HSF2BP: variants seen among roughly 807,000 people sequenced by gnomAD.
HSF2BP encodes the protein heat shock transcription factor 2 binding protein.
HSF2BP carries 35 observed loss-of-function variants against 35.0 expected under a neutral mutation model. The ratio of observed to expected loss-of-function variants is 1.00; its 90% CI spans 0.76 to 1.32. The LOEUF (loss-of-function observed/expected upper bound fraction) is 1.32. Among genes scored for constraint, HSF2BP ranks in the 40% most tolerant of loss-of-function variants. HSF2BP has a pLI of 0.00. For synonymous variants in HSF2BP, 114 were observed against 117.4 expected (o/e 0.97, Z 0.18); for missense variants, 326 against 321.7 (o/e 1.01, Z -0.10).
At chr21:43,576,018 T>G (rs2081639407) in intron 8 of HSF2BP, among the ~76,000 whole-genome samples, 1 of 150,894 alleles carries the variant, frequency 6.6e-6, no homozygotes, top group Non-Finnish European at 1.5e-5. Context: ...CTCAGGAGGC[T>G]GAGGCAGGAG....
chr21:43,467,901 ACACGCAC>A, the HSF2BP span, among the ~76,000 whole-genome samples: 1 of 110,222 alleles, frequency 9.1e-6, no homozygotes, highest in Non-Finnish European at 1.9e-5. Flanking sequence ...CACACCACAC[ACACGCAC>A]CACACACCAC....
chr21:43,658,896 A>C (rs866237658), intron 1 of HSF2BP, among the ~76,000 whole-genome samples: 1 of 152,136 alleles, frequency 6.6e-6, no homozygotes, highest in Admixed American at 6.5e-5. Context: ...CTTTCCTTCC[A>C]GTCTCAACTC....
chr21:43,654,529 T>C (rs1023115161), intron 3 of HSF2BP, among the ~76,000 whole-genome samples: 1 of 152,136 alleles, frequency 6.6e-6, no homozygotes, highest in Non-Finnish European at 1.5e-5. Flanking sequence ...ATCCTCTTTT[T>C]TGTTGACATG....
At chr21:43,628,728 A>G (rs1441797596) in intron 6 of HSF2BP, among the ~76,000 whole-genome samples, 5 of 152,254 alleles carry the variant, frequency 3.3e-5, no homozygotes, top group African/African-American at 1.2e-4. Context: ...ACCGCTAGAG[A>G]AAAGTCAATG....
intron 3 of HSF2BP, among the ~76,000 whole-genome samples, chr21:43,645,274 C>T (rs1270059461): frequency 6.6e-6 from 1 of 152,150 alleles, no homozygotes; most frequent in South Asian, 2.1e-4. Flanking sequence ...CTTGATAATA[C>T]AGAGTCGGCT....
intron 7 of HSF2BP, among the ~76,000 whole-genome samples, chr21:43,604,647 C>A (rs911159170): frequency 3.5e-5 from 5 of 141,572 alleles, no homozygotes; most frequent in African/African-American, 1.4e-4. Context: ...GCACACACAC[C>A]ACACACACAC....
At chr21:43,582,456 G>A (rs1411105677) in intron 8 of HSF2BP, among the ~76,000 whole-genome samples, 2 of 146,932 alleles carry the variant, frequency 1.4e-5, no homozygotes, top group Admixed American at 1.3e-4. Flanking sequence ...TGAGGGAGAT[G>A]AGGGCCGGCT....
At chr21:43,580,072 C>T (rs913034305) in intron 8 of HSF2BP, among the ~76,000 whole-genome samples, 3 of 152,050 alleles carry the variant, frequency 2.0e-5, no homozygotes, top group African/African-American at 7.2e-5. Flanking sequence ...TCAGGCCTCT[C>T]GGCCAGCCTC....
At chr21:43,615,862 A>C (rs1374243581) in intron 6 of HSF2BP, among the ~76,000 whole-genome samples, 1 of 152,124 alleles carries the variant, frequency 6.6e-6, no homozygotes, top group Non-Finnish European at 1.5e-5. Context: ...AAATAACTTC[A>C]GATAATATAC....
At chr21:43,575,482 G>A (rs921170407) in intron 8 of HSF2BP, among the ~76,000 whole-genome samples, 2 of 152,206 alleles carry the variant, frequency 1.3e-5, no homozygotes, top group African/African-American at 4.8e-5. Flanking sequence ...CAAACTGCCG[G>A]CCTGATTCTT....
At chr21:43,595,863 T>C (rs559579311) in intron 7 of HSF2BP, among the ~76,000 whole-genome samples, 1 of 149,690 alleles carries the variant, frequency 6.7e-6, no homozygotes, top group South Asian at 2.1e-4. Context: ...TAGCTGGGAT[T>C]ACAGGCATAT....
chr21:43,650,404 G>A (rs1003175295), intron 3 of HSF2BP, among the ~76,000 whole-genome samples: 13 of 151,766 alleles, frequency 8.6e-5, no homozygotes, highest in Non-Finnish European at 1.3e-4. Context: ...ACAGGGTTTC[G>A]CCATGTTAGC....
chr21:43,657,777 G>T, intron 2 of HSF2BP: 1 of 921,010 alleles, frequency 1.1e-6, no homozygotes, highest in Non-Finnish European at 1.3e-6. Flanking sequence ...AGAAGAGAGT[G>T]ACCATCCATC....
At chr21:43,607,460 T>C (rs973307724) in intron 7 of HSF2BP, among the ~76,000 whole-genome samples, 8 of 152,206 alleles carry the variant, frequency 5.3e-5, no homozygotes, top group African/African-American at 1.9e-4. Flanking sequence ...ATGACACAAC[T>C]GGAAAAACAT....
intron 8 of HSF2BP, among the ~76,000 whole-genome samples, chr21:43,591,771 C>T (rs764281656): frequency 5.9e-5 from 9 of 152,280 alleles, no homozygotes; most frequent in Non-Finnish European, 1.3e-4. Context: ...AAATTGCACA[C>T]CATTCTGCGT....
At chr21:43,458,048 A>G in the HSF2BP span, among the ~76,000 whole-genome samples, 1 of 83,242 alleles carries the variant, frequency 1.2e-5, no homozygotes, top group Non-Finnish European at 2.4e-5. Context: ...CATCCGGTGA[A>G]GTTTCCCCAG....
chr21:43,596,537 G>A (rs1301760045), intron 7 of HSF2BP, among the ~76,000 whole-genome samples: 1 of 152,092 alleles, frequency 6.6e-6, no homozygotes, highest in African/African-American at 2.4e-5. Flanking sequence ...TAAGGGGAAT[G>A]GAAAGCAGCC....
intron 5 of HSF2BP, among the ~76,000 whole-genome samples, chr21:43,632,594 G>C (rs1356646410): frequency 6.6e-6 from 1 of 152,068 alleles, no homozygotes; most frequent in Admixed American, 6.6e-5. Context: ...TGCTGCTCCA[G>C]CCTCCCCTTC....
intron 7 of HSF2BP, among the ~76,000 whole-genome samples, chr21:43,611,080 T>C (rs1381601194): frequency 6.6e-6 from 1 of 152,022 alleles, no homozygotes; most frequent in African/African-American, 2.4e-5. Context: ...TACAAAAAAA[T>C]TTTTAAAATT....
Sources: gnomAD v4.1 joint callset for allele counts (sites outside exome capture counted in the v4.1 genomes callset) on GRCh38, gnomAD v4.1.1 for gene constraint, MANE v1.5 for transcripts, NCBI Gene and HGNC (gene_info 2026-07-23, HGNC 2026-07-21) for gene names.